The following LRRC4C variants were observed in gnomAD, a reference collection of about 807,000 sequenced individuals.
The protein encoded by LRRC4C is leucine-rich repeat-containing protein 4C.
In LRRC4C, 5 loss-of-function variants were observed where a neutral mutation model predicts 33.6. The observed-to-expected ratio is 0.15, with a 90% CI of 0.08 to 0.31. The LOEUF (loss-of-function observed/expected upper bound fraction) is 0.31, where lower values mean the gene tolerates loss of function less well. Ranked by LOEUF, LRRC4C falls within the 10% of genes least tolerant of loss-of-function variation. LRRC4C has a pLI of 1.00. For missense variants in LRRC4C, 560 were observed against 796.7 expected (o/e 0.70, Z 3.58); for synonymous variants, 329 against 302.0 (o/e 1.09, Z -0.93).
At chr11:41,099,742 T>C (rs1002502515) in intron 1 of LRRC4C, among the ~76,000 whole-genome samples, 54 of 152,106 alleles carry the variant, frequency 3.6e-4, no homozygotes, top group Non-Finnish European at 6.2e-4. Context: ...TCACACTAAA[T>C]AGGCAAAAGC....
intron 4 of LRRC4C, among the ~76,000 whole-genome samples, chr11:40,298,848 A>G (rs1385005766): frequency 1.3e-5 from 2 of 152,134 alleles, no homozygotes; most frequent in South Asian, 2.1e-4. Flanking sequence ...CTGTCTTACA[A>G]AATCAGCAGA....
intron 4 of LRRC4C, among the ~76,000 whole-genome samples, chr11:40,266,384 C>T (rs1434681897): frequency 6.6e-6 from 1 of 152,026 alleles, no homozygotes. Flanking sequence ...CTTTGGGAGT[C>T]CAAGACAGGG....
At chr11:41,340,767 G>A (rs1317251506) in intron 1 of LRRC4C, among the ~76,000 whole-genome samples, 1 of 152,228 alleles carries the variant, frequency 6.6e-6, no homozygotes, top group Admixed American at 6.5e-5. Flanking sequence ...GAGATTAAAT[G>A]AGAAAATTTA....
intron 4 of LRRC4C, among the ~76,000 whole-genome samples, chr11:40,302,848 C>T (rs746941178): frequency 6.6e-6 from 1 of 152,010 alleles, no homozygotes; most frequent in Non-Finnish European, 1.5e-5. Flanking sequence ...GGAGTCGAGC[C>T]AAGAACAGCA....
intron 5 of LRRC4C, among the ~76,000 whole-genome samples, chr11:40,213,704 TCAGA>T (rs1863774224): frequency 6.6e-6 from 1 of 152,154 alleles, no homozygotes; most frequent in Non-Finnish European, 1.5e-5. Flanking sequence ...CTCAGAGAGC[TCAGA>T]CAGATTTCAT....
rs1449129368 is a variant in LRRC4C at position 40,300,805 on chromosome 11, G to A, written c.-176+18823C>T. On this transcript the variant is annotated intron_variant, in intron 4 of 6. Coordinates refer to ENST00000528697, the MANE Select transcript of LRRC4C (RefSeq NM_001258419.2). Reference sequence around the variant, plus strand: ...GGTTTGCTTTTTGAAATTCTGTGAAGTTTTTATTTCTTAAGAGGCAGAGTC... The same window carrying A: ...GGTTTGCTTTTTGAAATTCTGTGAAATTTTTATTTCTTAAGAGGCAGAGTC... 3.3e-5 allele frequency among the ~76,000 whole-genome samples: 5 copies of A among 152,300 alleles called. No homozygotes were observed. The East Asian group carries it at 9.6e-4, about 29-fold the overall frequency.
chr11:41,299,136 G>C (rs986009398), intron 1 of LRRC4C, among the ~76,000 whole-genome samples: 3 of 152,040 alleles, frequency 2.0e-5, no homozygotes, highest in African/African-American at 7.2e-5. Flanking sequence ...GTTCCCTTGG[G>C]TATATACCTA....
At chr11:41,282,203 A>G (rs1395998530) in intron 1 of LRRC4C, among the ~76,000 whole-genome samples, 1 of 152,254 alleles carries the variant, frequency 6.6e-6, no homozygotes, top group Non-Finnish European at 1.5e-5. Context: ...AAATTGTACT[A>G]TCTAGCCGCT....
chr11:41,420,824 T>C (rs1211496493), intron 1 of LRRC4C, among the ~76,000 whole-genome samples: 2 of 151,968 alleles, frequency 1.3e-5, no homozygotes, highest in African/African-American at 4.8e-5. Context: ...ACTAAAACAG[T>C]AACATGACCA....
intron 3 of LRRC4C, among the ~76,000 whole-genome samples, chr11:40,455,855 C>T (rs1441353065): frequency 6.6e-6 from 1 of 151,978 alleles, no homozygotes; most frequent in African/African-American, 2.4e-5. Flanking sequence ...TTGGCCAACT[C>T]ATTTTATCTT....
intron 4 of LRRC4C, among the ~76,000 whole-genome samples, chr11:40,247,625 C>T (rs1866453554): frequency 6.6e-6 from 1 of 150,392 alleles, no homozygotes; most frequent in South Asian, 2.1e-4. Flanking sequence ...ATTGCACTGT[C>T]AATACTGAAC....
intron 1 of LRRC4C, among the ~76,000 whole-genome samples, chr11:41,430,626 A>G (rs1029571304): frequency 2.6e-5 from 4 of 152,128 alleles, no homozygotes; most frequent in Admixed American, 2.6e-4. Flanking sequence ...GGACTCTATA[A>G]TCATTTGAGC....
At chr11:41,302,113 T>G (rs1591201122) in intron 1 of LRRC4C, among the ~76,000 whole-genome samples, 1 of 152,178 alleles carries the variant, frequency 6.6e-6, no homozygotes, top group Non-Finnish European at 1.5e-5. Context: ...TATATTTAAA[T>G]TGGGTACAGC....
At chr11:40,208,537 A>G (rs924314655) in intron 5 of LRRC4C, among the ~76,000 whole-genome samples, 9 of 152,116 alleles carry the variant, frequency 5.9e-5, no homozygotes, top group Non-Finnish European at 1.0e-4. Context: ...CTAAATTGAA[A>G]ACAAGCAGGG....
At chr11:40,406,351 T>C (rs1174545750) in intron 3 of LRRC4C, among the ~76,000 whole-genome samples, 1 of 152,156 alleles carries the variant, frequency 6.6e-6, no homozygotes, top group Non-Finnish European at 1.5e-5. Flanking sequence ...GTGACTATTA[T>C]AGTCTGACTC....
chr11:41,252,704 T>A (rs1437276153), intron 1 of LRRC4C, among the ~76,000 whole-genome samples: 1 of 152,124 alleles, frequency 6.6e-6, no homozygotes, highest in Non-Finnish European at 1.5e-5. Context: ...ACTGGGTAAT[T>A]TATAAAGGAA....
At chr11:41,040,069 C>T (rs556340480) in intron 1 of LRRC4C, among the ~76,000 whole-genome samples, 4 of 145,654 alleles carry the variant, frequency 2.7e-5, no homozygotes, top group African/African-American at 1.0e-4. Flanking sequence ...ACCCAGGAGG[C>T]AGAGCTTGCA....
At chr11:40,812,250 A>G (rs1422105780) in intron 2 of LRRC4C, among the ~76,000 whole-genome samples, 1 of 152,144 alleles carries the variant, frequency 6.6e-6, no homozygotes, top group African/African-American at 2.4e-5. Context: ...TTCAAATCAC[A>G]TATAACTAGG....
chr11:40,356,443 G>T (rs755715696), intron 3 of LRRC4C, among the ~76,000 whole-genome samples: 2 of 152,166 alleles, frequency 1.3e-5, no homozygotes, highest in Non-Finnish European at 2.9e-5. Context: ...ATTCTATGAT[G>T]TTGTTATTGC....
Sources: allele counts gnomAD v4.1 joint callset (sites outside exome capture counted in the v4.1 genomes callset), GRCh38; gene constraint gnomAD v4.1.1; transcripts MANE v1.5; gene names NCBI Gene and HGNC (gene_info 2026-07-23, HGNC 2026-07-21).